The following JHY variants were observed in gnomAD, a reference collection of about 807,000 sequenced individuals.
The protein encoded by JHY is junctional cadherin complex regulator.
JHY carries 69 observed loss-of-function variants against 78.0 expected under a neutral mutation model. The observed-to-expected ratio is 0.88, with a 90% CI of 0.73 to 1.08. The LOEUF (loss-of-function observed/expected upper bound fraction) is 1.08. JHY is among the 50% of genes least tolerant of loss of function. The pLI is 0.00. For synonymous variants in JHY, 368 were observed against 342.6 expected (o/e 1.07, Z -0.82); for missense variants, 944 against 927.8 (o/e 1.02, Z -0.23).
chr11:122,958,125 T>C (rs1010211933), intron 8 of JHY, among the ~76,000 whole-genome samples: 7 of 152,096 alleles, frequency 4.6e-5, no homozygotes, highest in African/African-American at 1.7e-4. Context: ...TGAAGAAAAA[T>C]GATTTCATGG....
At position 122,949,094 on chromosome 11, in the gene JHY, A is replaced by G. The variant is rs191913794; in HGVS notation, c.1929+2302A>G. On this transcript the variant is annotated intron_variant, in intron 6 of 8. Coordinates refer to ENST00000227349, the MANE Select transcript of JHY (RefSeq NM_024806.4). ...GTGAGACTCCATCTCAAAAAAAAAA[A>G]GAAGACTGCAAGAGCAATTCAGGCG... Among the ~76,000 whole-genome samples, 249 of 151,580 alleles carry G rather than the reference A, an allele frequency of 1.6e-3. 1 individual carries two copies. Among genetic ancestry groups the G allele is most frequent in the African/African-American group, 5.7e-3 (237 of 41,258 alleles).
intron 5 of JHY, among the ~76,000 whole-genome samples, chr11:122,940,640 G>A (rs752426527): frequency 1.2e-4 from 19 of 152,102 alleles, no homozygotes; most frequent in Non-Finnish European, 2.4e-4. Context: ...ATTAATATTC[G>A]AGACAGTGTA....
In JHY at chr11:122,959,331, C is replaced by G; in HGVS notation, c.2223C>G (p.Thr741=). The change falls in exon 9 of 9, where the codon ACC becomes ACG. Residue 741 remains threonine, a synonymous_variant. Coordinates refer to ENST00000227349, the MANE Select transcript of JHY (RefSeq NM_024806.4). The part of the protein sequence containing the change: ...HQASKEQKNP[T]YAGKEESLPE... Reference sequence around the variant, plus strand: ...CATCAAAGGAACAAAAAAATCCAACCTATGCTGGGAAAGAAGAAAGTTTAC... The same window carrying G: ...CATCAAAGGAACAAAAAAATCCAACGTATGCTGGGAAAGAAGAAAGTTTAC... 6.2e-7 allele frequency: 1 copy of G among 1,614,074 alleles called. No individual in the cohort carries two copies.
chr11:122,919,418 C>T (rs1045620405), intron 3 of JHY, among the ~76,000 whole-genome samples: 1 of 149,848 alleles, frequency 6.7e-6, no homozygotes, highest in African/African-American at 2.5e-5. Context: ...AGTGAATTTC[C>T]AGGCAAAGAA....
intron 1 of JHY, among the ~76,000 whole-genome samples, chr11:122,884,447 A>C (rs1301368837): frequency 6.6e-6 from 1 of 152,204 alleles, no homozygotes; most frequent in Non-Finnish European, 1.5e-5. Flanking sequence ...CACAGAAAAA[A>C]AAAAAATGGG....
intron 7 of JHY, 47 bp downstream of exon 7, chr11:122,956,623 C>T: frequency 6.5e-7 from 1 of 1,539,602 alleles, no homozygotes; most frequent in Non-Finnish European, 8.9e-7. Flanking sequence ...CTCAGCCCAT[C>T]TGTCTGTTAG....
intron 3 of JHY, among the ~76,000 whole-genome samples, chr11:122,906,153 T>C (rs986285928): frequency 1.3e-5 from 2 of 152,154 alleles, no homozygotes; most frequent in South Asian, 2.1e-4. Context: ...GATTGCTCAT[T>C]TAAAAATGAA....
chr11:122,949,995 G>A (rs1591399012), intron 6 of JHY, among the ~76,000 whole-genome samples: 1 of 151,776 alleles, frequency 6.6e-6, no homozygotes, highest in South Asian at 2.1e-4. Flanking sequence ...CACTACACCC[G>A]GCTGATTTTT....
intron 2 of JHY, among the ~76,000 whole-genome samples, chr11:122,889,712 TTATATA>T (rs1208044635): frequency 6.6e-6 from 1 of 152,082 alleles, no homozygotes; most frequent in Non-Finnish European, 1.5e-5. Context: ...GGAGGTGCCA[TTATATA>T]TTTATTCAGT....
At chr11:122,919,775 T>A (rs1312532658) in intron 3 of JHY, among the ~76,000 whole-genome samples, 1 of 152,140 alleles carries the variant, frequency 6.6e-6, no homozygotes, top group Non-Finnish European at 1.5e-5. Context: ...GATCAGGAGT[T>A]CAAGACCAGC....
intron 4 of JHY, among the ~76,000 whole-genome samples, chr11:122,928,026 T>A (rs1863549296): frequency 6.6e-6 from 1 of 152,176 alleles, no homozygotes; most frequent in Non-Finnish European, 1.5e-5. Context: ...CCACTGTGCC[T>A]GTGTTTCTTT....
chr11:122,928,147 T>C (rs1273645183), intron 4 of JHY, among the ~76,000 whole-genome samples: 4 of 152,178 alleles, frequency 2.6e-5, no homozygotes, highest in African/African-American at 9.7e-5. Flanking sequence ...TACTGACTGA[T>C]TAAAGAAACA....
rs71057309 is a variant in JHY, at chr11:122,907,833, CAA to C, written c.864+3406_864+3407del. On this transcript the variant is annotated intron_variant, in intron 3 of 8. Coordinates refer to ENST00000227349, the MANE Select transcript of JHY (RefSeq NM_024806.4). ...GGGCAACAAGAGTGAAACTCTATCT[CAA>C]AAAAAAAAAAAAAAAAGGTGATTTT... Among the ~76,000 whole-genome samples the C allele has an allele frequency of 4.5e-4, 38 of 83,934 alleles. No homozygotes were observed. In the South Asian group the frequency reaches 6.9e-3, roughly 15 times the overall value. 55.1% of individuals were successfully genotyped at this position (83,934 alleles called of 152,430 possible). A position where few individuals can be genotyped will look rare whatever the true frequency, so the allele number is the denominator to read the frequency against.
chr11:122,894,959 C>A (rs3134438), intron 2 of JHY, among the ~76,000 whole-genome samples: 52,224 of 151,984 alleles, frequency 0.34, 9,635 homozygotes, highest in East Asian at 0.63. Flanking sequence ...TTCTGGATTG[C>A]AAATAACCTT....
At position 122,882,797 on chromosome 11, in the gene JHY, G is replaced by T. The variant is rs1328244898; in HGVS notation, c.-265G>T. ...GCCTCCGTGCCAGGGCCGGGGGTGC[G>T]GTTCGGGACGCGGGATCCTAGGTCG... On this transcript the variant is annotated 5_prime_UTR_variant, in exon 1 of 9. Transcript: ENST00000227349. The T allele has an allele frequency of 6.5e-6, 1 of 153,060 alleles. No individual in the cohort carries two copies. The highest frequency in any genetic ancestry group is 1.5e-5 in the Non-Finnish European group (1 of 68,112). 9.5% of individuals were successfully genotyped at this position (153,060 alleles called of 1,614,324 possible). A position where few individuals can be genotyped will look rare whatever the true frequency, so the allele number is the denominator to read the frequency against.
At chr11:122,897,820 A>T (rs936563536) in intron 2 of JHY, among the ~76,000 whole-genome samples, 8 of 152,218 alleles carry the variant, frequency 5.3e-5, no homozygotes, top group African/African-American at 1.2e-4. Context: ...GACCAGTATG[A>T]GTGCACCAGT....
At position 122,956,522 on chromosome 11, in the gene JHY, A is replaced by AAG; in HGVS notation, c.1960_1961dup (p.Asp654GlufsTer3). The AAG allele has an allele frequency of 6.2e-7, 1 of 1,613,726 alleles. No homozygotes were observed. Among genetic ancestry groups the AAG allele is most frequent in the Non-Finnish European group, 8.5e-7 (1 of 1,179,700 alleles). ...ACACCAAGCTGAAAGGTTATCAGAA[A>AAG]AGAGACGTGAAGCTTGGAGGCCTCG... On this transcript the variant is annotated frameshift_variant, in exon 7 of 9. Coordinates refer to ENST00000227349, the MANE Select transcript of JHY (RefSeq NM_024806.4). LOFTEE classifies it high-confidence loss of function.
At chr11:122,903,704 A>G (rs547438888) in intron 2 of JHY, among the ~76,000 whole-genome samples, 1 of 151,248 alleles carries the variant, frequency 6.6e-6, no homozygotes, top group African/African-American at 2.4e-5. Flanking sequence ...CTGGTTTTGA[A>G]CTCCTTGCTT....
chr11:122,935,005 T>C lies in JHY; in HGVS notation c.1564T>C (p.Ser522Pro), dbSNP rs777558863. Residue 522 changes from serine to proline, a missense_variant, in exon 5 of 9, where the codon TCA (serine) becomes CCA (proline). Ser to Pro is a moderately conservative substitution (Grantham distance 74). Transcript: ENST00000227349. The surrounding 1 kb of genome is among the most constrained non-coding windows in gnomAD (Gnocchi z 4.5). ...TGTTTATCACATAAATACTCATGGA[T>C]CAACCAAAAATAAGAAACAACTCAA... is the stretch of plus-strand genomic sequence containing the variant. ...QFVYHINTHG[S>P]TKNKKQLKQP... 1 of 1,610,562 alleles carries C rather than the reference T, an allele frequency of 6.2e-7. No homozygotes were observed. The highest frequency in any genetic ancestry group is 1.1e-5 in the South Asian group (1 of 90,440).
Sources: allele counts gnomAD v4.1 joint callset (sites outside exome capture counted in the v4.1 genomes callset), GRCh38; gene constraint gnomAD v4.1.1; non-coding constraint Gnocchi (gnomAD v3.1); transcripts MANE v1.5; gene names NCBI Gene and HGNC (gene_info 2026-07-23, HGNC 2026-07-21).